The following SYT1 variants were observed in gnomAD, a reference collection of about 807,000 sequenced individuals.
SYT1 encodes synaptotagmin-1.
In SYT1, 8 loss-of-function variants were observed where a neutral mutation model predicts 44.8. The ratio of observed to expected loss-of-function variants is 0.18; its 90% CI spans 0.10 to 0.32. The LOEUF (loss-of-function observed/expected upper bound fraction) is 0.32, where lower values mean the gene tolerates loss of function less well. SYT1 is among the 10% of genes least tolerant of loss of function. The pLI is 1.00. For missense variants in SYT1, 286 were observed against 509.3 expected (o/e 0.56, Z 4.22); for synonymous variants, 154 against 188.8 (o/e 0.82, Z 1.51).
intron 8 of SYT1, among the ~76,000 whole-genome samples, chr12:79,319,616 G>A (rs1029775212): frequency 3.9e-5 from 6 of 151,964 alleles, no homozygotes; most frequent in Admixed American, 6.6e-5. Flanking sequence ...TGCCAACACC[G>A]CAACACCACA....
At chr12:78,947,378 A>G (rs962175172) in intron 1 of SYT1, among the ~76,000 whole-genome samples, 1 of 151,638 alleles carries the variant, frequency 6.6e-6, no homozygotes, top group Non-Finnish European at 1.5e-5. Flanking sequence ...ATCGTGACCT[A>G]GAATTGGAAA....
At chr12:79,144,853 A>G (rs4517588) in intron 3 of SYT1, among the ~76,000 whole-genome samples, 110,047 of 152,136 alleles carry the variant, frequency 0.72, 41,397 homozygotes, top group African/African-American at 0.93. Flanking sequence ...CTATTTAGCT[A>G]TAGCCTGAAG....
intron 1 of SYT1, among the ~76,000 whole-genome samples, chr12:78,976,150 T>A (rs1247353416): frequency 6.6e-6 from 1 of 152,230 alleles, no homozygotes; most frequent in Non-Finnish European, 1.5e-5. Context: ...AAAAATATTT[T>A]ATTTTATTTC....
chr12:78,914,600 C>T (rs897413617), intron 1 of SYT1, among the ~76,000 whole-genome samples: 47 of 151,820 alleles, frequency 3.1e-4, no homozygotes, highest in African/African-American at 1.0e-3. Context: ...CAGATGTTTC[C>T]ACTTAAATGC....
At chr12:78,964,151 G>T (rs1354435349) in intron 1 of SYT1, 1 of 151,912 alleles carries the variant, frequency 6.6e-6, no homozygotes, top group African/African-American at 2.4e-5. Context: ...TGGCACAAAG[G>T]TAAGTCCCAA....
chr12:79,004,322 C>G (rs901449885), intron 2 of SYT1, among the ~76,000 whole-genome samples: 1 of 151,992 alleles, frequency 6.6e-6, no homozygotes, highest in East Asian at 1.9e-4. Flanking sequence ...ACTAATTCAT[C>G]TAATTCTCAC....
At chr12:79,051,946 T>G (rs986637875) in intron 3 of SYT1, among the ~76,000 whole-genome samples, 4 of 152,134 alleles carry the variant, frequency 2.6e-5, no homozygotes, top group Admixed American at 1.3e-4. Context: ...TAGTATAGTT[T>G]GAAGTCAGGT....
At chr12:79,235,381 G>T in intron 4 of SYT1, among the ~76,000 whole-genome samples, 1 of 151,954 alleles carries the variant, frequency 6.6e-6, no homozygotes, top group East Asian at 1.9e-4. Flanking sequence ...AAATGTAAAA[G>T]TTAAAACTGT....
chr12:78,976,965 A>G (rs1383291881), intron 1 of SYT1, among the ~76,000 whole-genome samples: 2 of 152,136 alleles, frequency 1.3e-5, no homozygotes, highest in Non-Finnish European at 2.9e-5. Flanking sequence ...ATTACTTTCA[A>G]CCATCAAATA....
At chr12:79,439,854 T>G (rs1870303726) in intron 9 of SYT1, among the ~76,000 whole-genome samples, 1 of 151,850 alleles carries the variant, frequency 6.6e-6, no homozygotes, top group African/African-American at 2.4e-5. Context: ...TGTACTAAAT[T>G]GTCTCTCTGA....
At chr12:78,940,401 A>AT (rs936662875) in intron 1 of SYT1, among the ~76,000 whole-genome samples, 1 of 152,086 alleles carries the variant, frequency 6.6e-6, no homozygotes, top group African/African-American at 2.4e-5. Context: ...TCTTTAAGTA[A>AT]TTTTAAAGAG....
At chr12:78,920,603 A>G (rs77909415) in intron 1 of SYT1, among the ~76,000 whole-genome samples, 22,304 of 151,972 alleles carry the variant, frequency 0.15, 3,649 homozygotes, top group African/African-American at 0.4. Context: ...TTTTATTAAA[A>G]TGCTTACATA....
chr12:79,189,057 T>C (rs937931922), intron 3 of SYT1, among the ~76,000 whole-genome samples: 1 of 152,142 alleles, frequency 6.6e-6, no homozygotes, highest in African/African-American at 2.4e-5. Context: ...TTCTAATTTT[T>C]AGCACAGCTA....
chr12:79,309,229 G>A (rs1197520974), intron 8 of SYT1, among the ~76,000 whole-genome samples: 2 of 152,188 alleles, frequency 1.3e-5, no homozygotes, highest in Admixed American at 6.5e-5. Flanking sequence ...CATTTTTGTA[G>A]GTTCTTTGGC....
chr12:79,027,134 G>A (rs1872585135), intron 2 of SYT1, among the ~76,000 whole-genome samples: 2 of 151,530 alleles, frequency 1.3e-5, no homozygotes, highest in Non-Finnish European at 3.0e-5. Context: ...AGGCCACTGA[G>A]CCTTCAGCTC....
intron 9 of SYT1, among the ~76,000 whole-genome samples, chr12:79,412,578 C>T (rs2136137371): frequency 6.6e-6 from 1 of 152,228 alleles, no homozygotes; most frequent in South Asian, 2.1e-4. Flanking sequence ...GGACGATGGT[C>T]TCTCCTGTCC....
intron 5 of SYT1, among the ~76,000 whole-genome samples, chr12:79,286,864 T>C (rs1430674145): frequency 1.3e-5 from 2 of 148,992 alleles, no homozygotes; most frequent in African/African-American, 2.5e-5. Context: ...TTTTATAGAA[T>C]TAACATTTTC....
At chr12:79,195,572 G>A (rs867634104) in intron 3 of SYT1, among the ~76,000 whole-genome samples, 95 of 150,306 alleles carry the variant, frequency 6.3e-4, no homozygotes, top group African/African-American at 2.2e-3. Context: ...TGAGAATACC[G>A]AAGTTCAGAA....
intron 1 of SYT1, among the ~76,000 whole-genome samples, chr12:78,897,414 T>C (rs1875420206): frequency 6.6e-6 from 1 of 151,986 alleles, no homozygotes; most frequent in Admixed American, 6.6e-5. Context: ...TGTTTTGTTT[T>C]GTTTTGTTTA....
Sources: allele counts gnomAD v4.1 joint callset (sites outside exome capture counted in the v4.1 genomes callset), GRCh38; gene constraint gnomAD v4.1.1; transcripts MANE v1.5; gene names NCBI Gene and HGNC (gene_info 2026-07-23, HGNC 2026-07-21).